Variants in SAMD4A observed in about 807,000 individuals in gnomAD.
SAMD4A encodes the protein sterile alpha motif domain containing 4A.
Under a neutral mutation model 81.3 loss-of-function variants are expected in SAMD4A, and 33 were observed. That is an observed-to-expected ratio of 0.41 (90% CI 0.31 to 0.54). The LOEUF (loss-of-function observed/expected upper bound fraction) is 0.54, where lower values mean the gene tolerates loss of function less well. SAMD4A is among the 20% of genes least tolerant of loss of function. The pLI, the probability that SAMD4A is intolerant of heterozygous loss-of-function variation, is 0.37. For missense variants in SAMD4A, 854 were observed against 951.1 expected (o/e 0.90, Z 1.34); for synonymous variants, 389 against 382.1 (o/e 1.02, Z -0.21).
rs575260841 is a variant in SAMD4A at position 54,635,487 on chromosome 14, C to T, written c.197-66575C>T. ...CCAACAGGCCAGGTGCAATCGCTCA[C>T]GTCCGTAATCCCAACACTTTGGGAG... On this transcript the variant is annotated intron_variant, in intron 2 of 12. Coordinates refer to ENST00000554335, the MANE Select transcript of SAMD4A (RefSeq NM_015589.6). 6.6e-5 allele frequency among the ~76,000 whole-genome samples: 10 copies of T among 151,890 alleles called. No homozygotes were observed. The East Asian group carries it at 1.5e-3, about 23-fold the overall frequency.
intron 2 of SAMD4A, among the ~76,000 whole-genome samples, chr14:54,604,976 G>A (rs1443390567): frequency 6.6e-6 from 1 of 152,180 alleles, no homozygotes; most frequent in African/African-American, 2.4e-5. Context: ...AATACCAAGT[G>A]AGAGTGGCTC....
intron 2 of SAMD4A, among the ~76,000 whole-genome samples, chr14:54,648,630 TG>T (rs2035336178): frequency 6.6e-6 from 1 of 152,124 alleles, no homozygotes; most frequent in Non-Finnish European, 1.5e-5. Context: ...TCAGTGTGAC[TG>T]GAATGGATTG....
intron 3 of SAMD4A, among the ~76,000 whole-genome samples, chr14:54,718,451 A>C (rs1471860568): frequency 1.3e-5 from 2 of 152,172 alleles, no homozygotes; most frequent in Admixed American, 6.5e-5. Context: ...AGCTTTATAC[A>C]CTCAAGAGCT....
chr14:54,608,442 A>T (rs546653731), intron 2 of SAMD4A, among the ~76,000 whole-genome samples: 3 of 152,322 alleles, frequency 2.0e-5, no homozygotes, highest in African/African-American at 7.2e-5. Flanking sequence ...ATATGTTCTT[A>T]ATCGTATGCT....
At chr14:54,691,683 A>G (rs949055786) in intron 2 of SAMD4A, among the ~76,000 whole-genome samples, 4 of 152,168 alleles carry the variant, frequency 2.6e-5, no homozygotes, top group East Asian at 1.9e-4. Flanking sequence ...TTACTGTTGC[A>G]GAAATTCCCA....
intron 2 of SAMD4A, among the ~76,000 whole-genome samples, chr14:54,686,333 A>G (rs1290641793): frequency 2.0e-5 from 3 of 152,222 alleles, no homozygotes; most frequent in Non-Finnish European, 4.4e-5. Flanking sequence ...AGGCCTAGCC[A>G]GAGAATTCCA....
intron 2 of SAMD4A, among the ~76,000 whole-genome samples, chr14:54,680,716 T>C (rs2036105515): frequency 6.6e-6 from 1 of 152,244 alleles, no homozygotes; most frequent in Admixed American, 6.5e-5. Flanking sequence ...TTTATATTTT[T>C]ACTGTATTTT....
rs1651829763 is a variant in SAMD4A at position 54,789,696 on chromosome 14, C to T, written c.*752C>T. ...ATTTTTATAAGAGCAGCAGAGTTGTCTTCTCAAAACGGCTGCCAAGCTCTG... is the reference window on the plus strand; with the variant it reads ...ATTTTTATAAGAGCAGCAGAGTTGTTTTCTCAAAACGGCTGCCAAGCTCTG... On this transcript the variant is annotated 3_prime_UTR_variant, in exon 13 of 13. Coordinates refer to ENST00000554335, the MANE Select transcript of SAMD4A (RefSeq NM_015589.6). The T allele has an allele frequency of 6.6e-6, 1 of 152,212 alleles. No homozygotes were observed. Among genetic ancestry groups the T allele is most frequent in the African/African-American group, 2.4e-5 (1 of 41,440 alleles). The allele number at this position is 152,212 out of a possible 1,614,324, so 9.4% of individuals were successfully genotyped here. A position where few individuals can be genotyped will look rare whatever the true frequency, so the allele number is the denominator to read the frequency against.
At chr14:54,732,355 G>A (rs899883694) in intron 3 of SAMD4A, among the ~76,000 whole-genome samples, 2 of 152,070 alleles carry the variant, frequency 1.3e-5, no homozygotes, top group Non-Finnish European at 2.9e-5. Flanking sequence ...CCACTAACAA[G>A]GCTTGGTGTA....
At chr14:54,787,159 A>G (rs540368832) in intron 12 of SAMD4A, among the ~76,000 whole-genome samples, 60 of 152,274 alleles carry the variant, frequency 3.9e-4, no homozygotes, top group Admixed American at 8.5e-4. Flanking sequence ...AGAGGTTCCA[A>G]TGCTTGCAAC....
chr14:54,743,966 G>A (rs1371780873), intron 4 of SAMD4A, among the ~76,000 whole-genome samples: 1 of 152,206 alleles, frequency 6.6e-6, no homozygotes, highest in Admixed American at 6.5e-5. Flanking sequence ...CTTCAGTAGT[G>A]AAGAGTGGGT....
rs116392005 is a variant in SAMD4A at position 54,622,373 on chromosome 14, T to G, written c.196+54261T>G. The stretch of plus-strand genomic sequence containing the variant: ...TCAGGGCCTATCTAGGGAAGCAGGA[T>G]GTAGGATTATGATGGGCCTCAGAGG... On this transcript the variant is annotated intron_variant, in intron 2 of 12. Coordinates refer to ENST00000554335, the MANE Select transcript of SAMD4A (RefSeq NM_015589.6). Among the ~76,000 whole-genome samples, 645 of 152,220 alleles carry G rather than the reference T, an allele frequency of 4.2e-3. 5 individuals carry two copies. The highest frequency in any genetic ancestry group is 0.014 in the African/African-American group (602 of 41,538).
At position 54,688,290 on chromosome 14, in the gene SAMD4A, A is replaced by G. The variant is rs2036332224; in HGVS notation, c.197-13772A>G. ...CTTCACCAAACGGTTCTCCGGAGCA[A>G]CCGTTTAGAGGTAACGTACTGGCTC... On this transcript the variant is annotated intron_variant, in intron 2 of 12. Transcript: ENST00000554335. The G allele has an allele frequency of 5.1e-6, 5 of 985,300 alleles. No individual in the cohort carries two copies. In the African/African-American group the frequency reaches 5.2e-5, roughly 10 times the overall value. The allele number at this position is 985,300 out of a possible 1,614,324, so 61.0% of individuals were successfully genotyped here.
chr14:54,618,924 G>A (rs183126153), intron 2 of SAMD4A, among the ~76,000 whole-genome samples: 1 of 152,044 alleles, frequency 6.6e-6, no homozygotes, highest in African/African-American at 2.4e-5. Context: ...TAACTATATA[G>A]TAGGACTAGC....
intron 1 of SAMD4A, 76 bp downstream of exon 1, chr14:54,567,414 A>T (rs1175529572): frequency 6.4e-6 from 1 of 156,708 alleles, no homozygotes; most frequent in Non-Finnish European, 1.4e-5. Flanking sequence ...CCCTGGCCCC[A>T]GCACCCTCTG....
chr14:54,721,882 C>G (rs2037271107), intron 3 of SAMD4A, among the ~76,000 whole-genome samples: 1 of 152,110 alleles, frequency 6.6e-6, no homozygotes, highest in South Asian at 2.1e-4. Flanking sequence ...GGGCCTAGGT[C>G]TTAGAAATAG....
chr14:54,599,488 A>T (rs1347962904), intron 2 of SAMD4A, among the ~76,000 whole-genome samples: 1 of 152,190 alleles, frequency 6.6e-6, no homozygotes, highest in Non-Finnish European at 1.5e-5. Flanking sequence ...ATGAGATTTT[A>T]AAAAATATTA....
At chr14:54,715,158 A>T (rs1427246560) in intron 3 of SAMD4A, among the ~76,000 whole-genome samples, 1 of 152,172 alleles carries the variant, frequency 6.6e-6, no homozygotes, top group Non-Finnish European at 1.5e-5. Context: ...CATTCAGGCC[A>T]GGGAAGTGTG....
intron 2 of SAMD4A, among the ~76,000 whole-genome samples, chr14:54,591,719 T>G (rs2033781422): frequency 6.6e-6 from 1 of 152,236 alleles, no homozygotes; most frequent in Non-Finnish European, 1.5e-5. Flanking sequence ...CCTGGACATT[T>G]ACATAGTGTA....
Sources: allele counts gnomAD v4.1 joint callset (sites outside exome capture counted in the v4.1 genomes callset), GRCh38; gene constraint gnomAD v4.1.1; transcripts MANE v1.5; gene names NCBI Gene and HGNC (gene_info 2026-07-23, HGNC 2026-07-21).